SENP7: variants seen among roughly 807,000 people sequenced by gnomAD.
The protein encoded by SENP7 is SUMO specific peptidase 7.
Under a neutral mutation model 141.2 loss-of-function variants are expected in SENP7, and 64 were observed. That is an observed-to-expected ratio of 0.45 (90% CI 0.37 to 0.56). SENP7 has a LOEUF of 0.56. SENP7 is among the 20% of genes least tolerant of loss of function. SENP7 has a pLI of 0.00. For missense variants in SENP7, 1,025 were observed against 1,212.2 expected, an observed-to-expected ratio of 0.85 and a Z score of 2.29; for synonymous variants, 382 against 426.4, an observed-to-expected ratio of 0.90 and a Z score of 1.28.
intron 3 of SENP7, among the ~76,000 whole-genome samples, chr3:101,462,323 C>T (rs2063572159): frequency 1.3e-5 from 2 of 152,068 alleles, no homozygotes; most frequent in Admixed American, 1.3e-4. Context: ...TGGCAGATCA[C>T]CTCAGGTCAT....
chr3:101,420,230 T>TGGTGGCGGGCAC (rs2061747950), intron 4 of SENP7, among the ~76,000 whole-genome samples: 1 of 152,166 alleles, frequency 6.6e-6, no homozygotes, highest in African/African-American at 2.4e-5. Flanking sequence ...TAGCCGGGCA[T>TGGTGGCGGGCAC]GGTGGCGGGC....
chr3:101,511,964 C>T (rs1161105798), intron 1 of SENP7, among the ~76,000 whole-genome samples: 1 of 152,142 alleles, frequency 6.6e-6, no homozygotes, highest in Non-Finnish European at 1.5e-5. Flanking sequence ...GGACTACAGG[C>T]GCCCGCCACC....
chr3:101,443,071 T>C (rs565152542), intron 4 of SENP7, among the ~76,000 whole-genome samples: 3 of 152,348 alleles, frequency 2.0e-5, no homozygotes, highest in Non-Finnish European at 2.9e-5. Flanking sequence ...TCTAGGGTTT[T>C]TATGGTTTTA....
chr3:101,326,552 A>G (rs1270933164), intron 23 of SENP7, among the ~76,000 whole-genome samples: 2 of 152,180 alleles, frequency 1.3e-5, no homozygotes, highest in East Asian at 3.8e-4. Flanking sequence ...TGTAAATAAT[A>G]GTGGCAATGA....
At chr3:101,487,467 A>C (rs2064779109) in intron 3 of SENP7, among the ~76,000 whole-genome samples, 1 of 152,052 alleles carries the variant, frequency 6.6e-6, no homozygotes. Flanking sequence ...TAATTAAATT[A>C]AGTTTCATTT....
rs1177085940 is a variant in SENP7, at chr3:101,343,779, T to C, written c.2013A>G (p.Glu671=). ...FPLFQNLSSK[E]SSFIHYYCVS... Reference sequence around the variant, plus strand: ...CACAGTAATAATGAATAAAAGAACTTTCTTTTGAAGAGAGGTTCTGAAACA... The same window carrying C: ...CACAGTAATAATGAATAAAAGAACTCTCTTTTGAAGAGAGGTTCTGAAACA... The change falls in exon 14 of 24, where the codon GAA becomes GAG. Residue 671 remains glutamate (E), a synonymous_variant. Coordinates refer to ENST00000394095, the MANE Select transcript of SENP7 (RefSeq NM_020654.5). The C allele has an allele frequency of 3.7e-6, 6 of 1,613,886 alleles. No homozygotes were observed. Among genetic ancestry groups the C allele is most frequent in the Non-Finnish European group, 4.2e-6 (5 of 1,179,886 alleles).
At chr3:101,369,075 A>T (rs1404188083) in intron 7 of SENP7, among the ~76,000 whole-genome samples, 5 of 152,192 alleles carry the variant, frequency 3.3e-5, no homozygotes, top group Admixed American at 2.6e-4. Flanking sequence ...AGTCAACAAG[A>T]CATCATTTTG....
chr3:101,370,150 G>A (rs992880795), intron 7 of SENP7, among the ~76,000 whole-genome samples: 18 of 152,270 alleles, frequency 1.2e-4, no homozygotes, highest in Non-Finnish European at 2.5e-4. Flanking sequence ...CAGGGATACT[G>A]AAAAACTAAA....
intron 10 of SENP7, chr3:101,363,059 A>G: frequency 2.3e-6 from 1 of 443,310 alleles, no homozygotes; most frequent in African/African-American, 2.1e-5. Flanking sequence ...ACCTCTCGCA[A>G]ATGTGACTAA....
At chr3:101,328,605 A>C in intron 21 of SENP7, 41 bp downstream of exon 21, 1 of 1,601,488 alleles carries the variant, frequency 6.2e-7, no homozygotes, top group Non-Finnish European at 8.6e-7. Context: ...GTATATCTAA[A>C]TACCTCAAAA....
rs140346936 is a variant in SENP7, at chr3:101,506,990, G to C, written c.41-5871C>G. ...GTAGGAGGATAGCCTGAGCCCAGGA[G>C]TTCAAGGCTGCATTGAGCTATGATC... On this transcript the variant is annotated intron_variant, in intron 1 of 23. Coordinates refer to ENST00000394095, the MANE Select transcript of SENP7 (RefSeq NM_020654.5). Among the ~76,000 whole-genome samples, 891 of 150,152 alleles carry C rather than the reference G, an allele frequency of 5.9e-3. 6 individuals carry two copies. The highest frequency in any genetic ancestry group is 0.021 in the African/African-American group (857 of 40,858).
At chr3:101,492,586 C>T (rs2065008818) in intron 3 of SENP7, among the ~76,000 whole-genome samples, 2 of 152,104 alleles carry the variant, frequency 1.3e-5, no homozygotes, top group Non-Finnish European at 2.9e-5. Context: ...TCCAATAGGA[C>T]TAATGTCCTT....
chr3:101,424,318 C>G (rs539895948), intron 4 of SENP7, among the ~76,000 whole-genome samples: 1 of 141,028 alleles, frequency 7.1e-6, no homozygotes, highest in East Asian at 2.4e-4. Context: ...CAACCCACCC[C>G]CCATCCCCGC....
rs1170878854 is a variant in SENP7 at position 101,361,819 on chromosome 3, T to C, written c.1519A>G (p.Ile507Val). The part of the protein sequence containing the change: ...LCPYNPVMEN[I>V]SSIMPSNEMD... ...TCATTACTAGGCATAATACTGGAAA[T>C]GTTCTCCATGACAGGATTATATGGG... Residue 507 changes from isoleucine to valine, a missense_variant, in exon 11 of 24, where the codon ATT (isoleucine) becomes GTT (valine). By Grantham distance (29) the Ile-to-Val change is conservative (BLOSUM62 3). Around this residue, in one of 4 missense-constraint regions of SENP7, gnomAD observed 228 missense variants for 228.5 expected, o/e 1.00. Coordinates refer to ENST00000394095, the MANE Select transcript of SENP7 (RefSeq NM_020654.5). The C allele has an allele frequency of 6.2e-7, 1 of 1,607,298 alleles. No homozygotes were observed.
intron 5 of SENP7, among the ~76,000 whole-genome samples, chr3:101,414,793 T>C (rs2061562555): frequency 1.3e-5 from 2 of 149,628 alleles, no homozygotes; most frequent in South Asian, 2.1e-4. Context: ...GGTTCTTTCA[T>C]GTTTCAGTCC....
chr3:101,326,652 GT>G (rs2058908078), intron 23 of SENP7, among the ~76,000 whole-genome samples: 1 of 152,090 alleles, frequency 6.6e-6, no homozygotes, highest in African/African-American at 2.4e-5. Flanking sequence ...TTCCTACAAA[GT>G]CTCTGTGAGC....
chr3:101,384,587 G>A (rs554791877), intron 6 of SENP7, among the ~76,000 whole-genome samples: 102 of 152,300 alleles, frequency 6.7e-4, no homozygotes, highest in African/African-American at 1.9e-3. Context: ...GGAGCTGCCC[G>A]TCCCACCACA....
At chr3:101,407,858 G>A (rs2061348383) in intron 5 of SENP7, among the ~76,000 whole-genome samples, 1 of 151,880 alleles carries the variant, frequency 6.6e-6, no homozygotes, top group Non-Finnish European at 1.5e-5. Context: ...ACAATCTAAG[G>A]TCACACCTCA....
At chr3:101,463,411 A>ATATATACACATATATATATG (rs1259054813) in intron 3 of SENP7, among the ~76,000 whole-genome samples, 1 of 128,864 alleles carries the variant, frequency 7.8e-6, no homozygotes, top group Non-Finnish European at 1.6e-5. Flanking sequence ...ATATATATAT[A>ATATATACACATATATATATG]TATATACACA....
Sources: gnomAD v4.1 joint callset for allele counts (sites outside exome capture counted in the v4.1 genomes callset) on GRCh38, gnomAD v4.1.1 for gene constraint, gnomAD v4.1.1 regional missense constraint, MANE v1.5 for transcripts, NCBI Gene and HGNC (gene_info 2026-07-23, HGNC 2026-07-21) for gene names.